Variants in TMEM163 observed in about 807,000 individuals in gnomAD.
The protein encoded by TMEM163 is transmembrane protein 163.
Under a neutral mutation model 29.3 loss-of-function variants are expected in TMEM163, and 17 were observed. The observed-to-expected ratio is 0.58, with a 90% CI of 0.40 to 0.87. TMEM163 has a LOEUF of 0.87. Among genes scored for constraint, TMEM163 ranks in the 40% least tolerant of loss-of-function variants. TMEM163 has a pLI of 0.00. For missense variants in TMEM163, 303 were observed against 381.5 expected (o/e 0.79, Z 1.71); for synonymous variants, 157 against 160.6 (o/e 0.98, Z 0.17).
intron 2 of TMEM163, among the ~76,000 whole-genome samples, chr2:134,583,315 T>G (rs1227721528): frequency 6.6e-6 from 1 of 152,208 alleles, no homozygotes; most frequent in Non-Finnish European, 1.5e-5. Flanking sequence ...CATGGACACA[T>G]TTAGACCCAC....
At chr2:134,625,429 C>T (rs1192426226) in intron 2 of TMEM163, among the ~76,000 whole-genome samples, 7 of 151,352 alleles carry the variant, frequency 4.6e-5, no homozygotes, top group African/African-American at 1.7e-4. Flanking sequence ...AACCGTGATG[C>T]ACACACATAT....
intron 2 of TMEM163, among the ~76,000 whole-genome samples, chr2:134,558,782 T>G (rs1026181777): frequency 6.6e-6 from 1 of 152,190 alleles, no homozygotes; most frequent in Non-Finnish European, 1.5e-5. Context: ...TCCAAAGTCA[T>G]GCAACAATTA....
At chr2:134,520,733 T>C (rs1680173693) in intron 4 of TMEM163, among the ~76,000 whole-genome samples, 1 of 152,202 alleles carries the variant, frequency 6.6e-6, no homozygotes, top group African/African-American at 2.4e-5. Context: ...TGACACAGCA[T>C]GGGCAGATAT....
intron 2 of TMEM163, among the ~76,000 whole-genome samples, chr2:134,660,202 A>G (rs956207448): frequency 7.2e-5 from 11 of 152,264 alleles, no homozygotes; most frequent in African/African-American, 2.6e-4. Context: ...ATTTTTGTTC[A>G]AGTGCAATGG....
intron 2 of TMEM163, among the ~76,000 whole-genome samples, chr2:134,665,850 T>C (rs1358185033): frequency 6.6e-6 from 1 of 152,200 alleles, no homozygotes; most frequent in Non-Finnish European, 1.5e-5. Flanking sequence ...TTAAACAAGA[T>C]ACTGCATCTA....
intron 4 of TMEM163, among the ~76,000 whole-genome samples, chr2:134,530,897 C>T (rs1680401696): frequency 6.6e-6 from 1 of 152,286 alleles, no homozygotes; most frequent in South Asian, 2.1e-4. Flanking sequence ...AACACACACC[C>T]TTCCTTTGAA....
rs181981905 is a variant in TMEM163, at chr2:134,546,416, G to A, written c.458+4154C>T. ...CCAGCACTTTGAGAGGTCAAGGCAG[G>A]CAGATCCCTGAGGCCAGGAGTTCAA... On this transcript the variant is annotated intron_variant, in intron 4 of 7. Transcript: ENST00000281924. Among the ~76,000 whole-genome samples the A allele has an allele frequency of 3.3e-5, 5 of 152,282 alleles. No individual in the cohort carries two copies. In the East Asian group the frequency reaches 9.6e-4, roughly 29 times the overall value.
intron 2 of TMEM163, among the ~76,000 whole-genome samples, chr2:134,631,575 C>T (rs547951695): frequency 2.6e-4 from 40 of 152,316 alleles, no homozygotes; most frequent in Non-Finnish European, 5.3e-4. Context: ...CCCAGAAAGG[C>T]CAAGGGTCAA....
At chr2:134,547,669 A>G (rs767193795) in intron 4 of TMEM163, among the ~76,000 whole-genome samples, 2 of 152,224 alleles carry the variant, frequency 1.3e-5, no homozygotes, top group South Asian at 2.1e-4. Context: ...AGCCAACAAT[A>G]TAGAGGATTG....
At chr2:134,656,111 G>T (rs1055555242) in intron 2 of TMEM163, among the ~76,000 whole-genome samples, 2 of 143,904 alleles carry the variant, frequency 1.4e-5, no homozygotes, top group Non-Finnish European at 1.5e-5. Flanking sequence ...GTTTACCTAA[G>T]CAAGCCTGGG....
intron 5 of TMEM163, among the ~76,000 whole-genome samples, chr2:134,495,798 C>T (rs1363260074): frequency 6.6e-6 from 1 of 152,170 alleles, no homozygotes; most frequent in African/African-American, 2.4e-5. Flanking sequence ...TCCAGTCTAC[C>T]TAAGTTAGTG....
chr2:134,476,389 G>T (rs553332888), intron 5 of TMEM163, among the ~76,000 whole-genome samples: 1 of 152,280 alleles, frequency 6.6e-6, no homozygotes, highest in African/African-American at 2.4e-5. Context: ...CATTGTGGTG[G>T]TAGTTCTGTG....
intron 2 of TMEM163, among the ~76,000 whole-genome samples, chr2:134,672,452 A>C (rs1010788141): frequency 2.0e-5 from 3 of 152,212 alleles, no homozygotes; most frequent in African/African-American, 7.2e-5. Context: ...TCTGTTGCCC[A>C]GTCTAAAGTG....
intron 4 of TMEM163, among the ~76,000 whole-genome samples, chr2:134,539,331 T>G (rs948519852): frequency 6.6e-6 from 1 of 152,158 alleles, no homozygotes; most frequent in African/African-American, 2.4e-5. Flanking sequence ...AGAATTCCAT[T>G]CGATGCAATT....
intron 2 of TMEM163, among the ~76,000 whole-genome samples, chr2:134,695,945 G>A (rs1684570372): frequency 6.6e-6 from 1 of 151,970 alleles, no homozygotes; most frequent in South Asian, 2.1e-4. Context: ...CCAGCTATCA[G>A]GAGGCTGAGG....
intron 4 of TMEM163, among the ~76,000 whole-genome samples, chr2:134,514,267 TTTCCAG>T (rs1330578953): frequency 2.0e-5 from 3 of 152,132 alleles, no homozygotes; most frequent in Non-Finnish European, 2.9e-5. Flanking sequence ...AAACCCTTTG[TTTCCAG>T]AAATTCTCTC....
intron 6 of TMEM163, among the ~76,000 whole-genome samples, chr2:134,462,451 C>G (rs953007964): frequency 1.3e-5 from 2 of 152,206 alleles, no homozygotes; most frequent in South Asian, 2.1e-4. Flanking sequence ...TCTGTCCCCC[C>G]ACTTCCAAGT....
At chr2:134,506,858 C>T (rs1679835905) in intron 4 of TMEM163, among the ~76,000 whole-genome samples, 1 of 152,222 alleles carries the variant, frequency 6.6e-6, no homozygotes. Context: ...CATCAGCAAT[C>T]CCTGGCCTCA....
intron 1 of TMEM163, among the ~76,000 whole-genome samples, chr2:134,714,366 G>A (rs563831786): frequency 2.0e-5 from 3 of 152,172 alleles, no homozygotes; most frequent in African/African-American, 2.4e-5. Context: ...GAAGAAATTG[G>A]TAATGAAAGC....
Sources: allele counts gnomAD v4.1 joint callset (sites outside exome capture counted in the v4.1 genomes callset), GRCh38; gene constraint gnomAD v4.1.1; transcripts MANE v1.5; gene names NCBI Gene and HGNC (gene_info 2026-07-23, HGNC 2026-07-21).